Variants in SPOCK1 observed in about 807,000 individuals in gnomAD.
The protein encoded by SPOCK1 is testican-1.
In SPOCK1, 23 loss-of-function variants were observed where a neutral mutation model predicts 55.3. The observed-to-expected ratio is 0.42, with a 90% CI of 0.30 to 0.59. SPOCK1 has a LOEUF of 0.59. SPOCK1 is among the 20% of genes least tolerant of loss of function. SPOCK1 has a pLI of 0.22. For synonymous variants in SPOCK1, 226 were observed against 221.0 expected (o/e 1.02, Z -0.20); for missense variants, 499 against 552.5 (o/e 0.90, Z 0.97).
intron 5 of SPOCK1, among the ~76,000 whole-genome samples, chr5:137,105,918 C>T (rs1333380555): frequency 1.3e-5 from 2 of 152,138 alleles, no homozygotes; most frequent in Non-Finnish European, 2.9e-5. Context: ...TCGCCGATTA[C>T]CAGCAGCCAA....
intron 3 of SPOCK1, among the ~76,000 whole-genome samples, chr5:137,186,081 C>A (rs1055015938): frequency 6.6e-6 from 1 of 152,174 alleles, no homozygotes. Context: ...AAGCACAAAG[C>A]CTTCTGAAAA....
At chr5:137,216,216 AG>A (rs1332698143) in intron 3 of SPOCK1, among the ~76,000 whole-genome samples, 1 of 152,136 alleles carries the variant, frequency 6.6e-6, no homozygotes, top group African/African-American at 2.4e-5. Flanking sequence ...TGTCTTGAGG[AG>A]GGGTCTCAAG....
chr5:137,417,494 AC>A (rs1020258766), intron 2 of SPOCK1, among the ~76,000 whole-genome samples: 2 of 152,124 alleles, frequency 1.3e-5, no homozygotes, highest in African/African-American at 4.8e-5. Flanking sequence ...CATTTCCATT[AC>A]CCCAAACAGT....
chr5:137,139,665 C>T (rs576038734), intron 4 of SPOCK1, among the ~76,000 whole-genome samples: 1 of 152,092 alleles, frequency 6.6e-6, no homozygotes, highest in Admixed American at 6.5e-5. Context: ...AGCATACTAC[C>T]CACTTGGGAA....
chr5:137,144,700 A>C (rs1754160747), intron 3 of SPOCK1, among the ~76,000 whole-genome samples: 1 of 152,220 alleles, frequency 6.6e-6, no homozygotes, highest in Non-Finnish European at 1.5e-5. Context: ...ACCCAGCACC[A>C]GTACTGGAAA....
At chr5:137,106,354 A>G (rs961445376) in intron 5 of SPOCK1, among the ~76,000 whole-genome samples, 18 of 152,302 alleles carry the variant, frequency 1.2e-4, no homozygotes, top group African/African-American at 4.1e-4. Context: ...AAAGCTGGCA[A>G]TCAGGCCCCC....
intron 2 of SPOCK1, among the ~76,000 whole-genome samples, chr5:137,269,873 A>G (rs769442704): frequency 2.0e-5 from 3 of 152,140 alleles, no homozygotes; most frequent in African/African-American, 7.2e-5. Context: ...AAGGCTGGGC[A>G]TTTCACCAGG....
intron 6 of SPOCK1, among the ~76,000 whole-genome samples, chr5:136,999,412 T>C (rs1199507755): frequency 2.0e-5 from 3 of 152,082 alleles, no homozygotes; most frequent in African/African-American, 4.8e-5. Context: ...CCCTGTGTCC[T>C]CCCTCAGACA....
intron 2 of SPOCK1, among the ~76,000 whole-genome samples, chr5:137,462,706 C>T (rs1753514567): frequency 6.6e-6 from 1 of 152,160 alleles, no homozygotes. Flanking sequence ...TAAATGTAAG[C>T]TATTGTCACT....
At chr5:137,459,329 C>T (rs1309168464) in intron 2 of SPOCK1, among the ~76,000 whole-genome samples, 1 of 152,086 alleles carries the variant, frequency 6.6e-6, no homozygotes, top group East Asian at 1.9e-4. Flanking sequence ...TGACCTTCCC[C>T]CTCAAACAAA....
chr5:137,269,851 C>G (rs1250103133), intron 2 of SPOCK1, among the ~76,000 whole-genome samples: 2 of 152,166 alleles, frequency 1.3e-5, no homozygotes, highest in Non-Finnish European at 2.9e-5. Flanking sequence ...GAACCAACAC[C>G]CTACCAATAC....
intron 2 of SPOCK1, among the ~76,000 whole-genome samples, chr5:137,294,059 A>G (rs1214990198): frequency 5.9e-5 from 9 of 152,208 alleles, no homozygotes; most frequent in Non-Finnish European, 1.3e-4. Flanking sequence ...TGCCCAAAAC[A>G]GTAGCCACTG....
intron 6 of SPOCK1, among the ~76,000 whole-genome samples, chr5:137,063,001 G>A (rs58653326): frequency 0.013 from 1,921 of 151,360 alleles, 37 homozygotes; most frequent in African/African-American, 0.043. Context: ...TTGGGAGGCC[G>A]AGGCGGGTGG....
intron 2 of SPOCK1, among the ~76,000 whole-genome samples, chr5:137,472,576 A>G (rs1187511982): frequency 6.6e-6 from 1 of 152,248 alleles, no homozygotes; most frequent in South Asian, 2.1e-4. Flanking sequence ...TAACTAATGT[A>G]TATGCCCTTG....
chr5:137,226,362 T>C (rs575405614), intron 3 of SPOCK1, among the ~76,000 whole-genome samples: 2 of 152,364 alleles, frequency 1.3e-5, no homozygotes, highest in East Asian at 1.9e-4. Flanking sequence ...AACACCCACG[T>C]TGTGGCTTGA....
intron 3 of SPOCK1, among the ~76,000 whole-genome samples, chr5:137,230,623 T>A (rs372136915): frequency 9.9e-5 from 15 of 152,242 alleles, no homozygotes; most frequent in Non-Finnish European, 1.9e-4. Context: ...AGATGTCACA[T>A]TGTTTAGTCC....
intron 3 of SPOCK1, among the ~76,000 whole-genome samples, chr5:137,223,178 C>A (rs891747369): frequency 4.6e-5 from 7 of 151,928 alleles, no homozygotes; most frequent in African/African-American, 7.3e-5. Context: ...CAGGAACAGA[C>A]CACCATTTCC....
At chr5:137,168,659 C>T (rs1477421895) in intron 3 of SPOCK1, among the ~76,000 whole-genome samples, 1 of 152,084 alleles carries the variant, frequency 6.6e-6, no homozygotes, top group Non-Finnish European at 1.5e-5. Flanking sequence ...AATGAGATAC[C>T]ACCTCACTCT....
intron 2 of SPOCK1, among the ~76,000 whole-genome samples, chr5:137,331,072 T>C (rs1758170720): frequency 6.6e-6 from 1 of 152,176 alleles, no homozygotes; most frequent in Admixed American, 6.5e-5. Flanking sequence ...TTCCTGGGCA[T>C]CCACTGTGAT....
Sources: gnomAD v4.1 joint callset for allele counts (sites outside exome capture counted in the v4.1 genomes callset) on GRCh38, gnomAD v4.1.1 for gene constraint, MANE v1.5 for transcripts, NCBI Gene and HGNC (gene_info 2026-07-23, HGNC 2026-07-21) for gene names.